Variants in EPB41L3 observed in about 807,000 individuals in gnomAD.
EPB41L3 encodes band 4.1-like protein 3.
A neutral mutation model predicts 127.1 loss-of-function variants in EPB41L3; 57 were observed. The ratio of observed to expected loss-of-function variants is 0.45; its 90% CI spans 0.36 to 0.56. The LOEUF (loss-of-function observed/expected upper bound fraction) is 0.56. EPB41L3 is among the 20% of genes least tolerant of loss of function. The pLI is 0.00. For missense variants in EPB41L3, 1,273 were observed against 1,372.2 expected (o/e 0.93, Z 1.14); for synonymous variants, 572 against 549.5 (o/e 1.04, Z -0.57).
chr18:5,495,839 T>C (rs546001661), intron 1 of EPB41L3, among the ~76,000 whole-genome samples: 21 of 152,330 alleles, frequency 1.4e-4, no homozygotes, highest in Admixed American at 7.2e-4. Flanking sequence ...AATTCTAGGA[T>C]TCCTGAGAAC....
intron 3 of EPB41L3, among the ~76,000 whole-genome samples, chr18:5,459,395 C>CT (rs11459858): frequency 0.44 from 64,760 of 147,674 alleles, 14,425 homozygotes; most frequent in East Asian, 0.71. Context: ...CCATTGGTCT[C>CT]TTTTTTTTTT....
chr18:5,433,649 G>A lies in EPB41L3; in HGVS notation c.825-93C>T, dbSNP rs1296885806. 4 of 1,128,786 alleles carry A rather than the reference G, an allele frequency of 3.5e-6. No individual in the cohort carries two copies. The Admixed American group carries it at 6.7e-5, about 19-fold the overall frequency. 69.9% of individuals were successfully genotyped at this position (1,128,786 alleles called of 1,614,324 possible). ...TTAGTTCCATGCTATCTCATAAGAA[G>A]TCCTATGGAGGCACCAGCAGATACA... On this transcript the variant is annotated intron_variant, in intron 7 of 22. Coordinates refer to ENST00000341928, the MANE Select transcript of EPB41L3 (RefSeq NM_012307.5).
At chr18:5,394,629 G>A (rs2073025363) in intron 22 of EPB41L3, 48 bp downstream of exon 22, 2 of 1,434,164 alleles carry the variant, frequency 1.4e-6, no homozygotes, top group African/African-American at 2.8e-5. Context: ...AGTGCCCCAT[G>A]CCTCATGCCA....
intron 1 of EPB41L3, 125 bp from the exon 2 acceptor site, chr18:5,489,319 A>C: frequency 1.8e-6 from 2 of 1,103,784 alleles, no homozygotes; most frequent in Non-Finnish European, 2.5e-6. Context: ...ACCAAACCCC[A>C]TCCTATTCCA....
At chr18:5,454,410 G>T (rs1386468092) in intron 3 of EPB41L3, among the ~76,000 whole-genome samples, 1 of 151,948 alleles carries the variant, frequency 6.6e-6, no homozygotes, top group African/African-American at 2.4e-5. Flanking sequence ...GCTGTCTCAA[G>T]TGTACATGCA....
chr18:5,427,967 G>C (rs778877064), intron 9 of EPB41L3, among the ~76,000 whole-genome samples: 2 of 152,140 alleles, frequency 1.3e-5, no homozygotes, highest in East Asian at 1.9e-4. Flanking sequence ...GGATGGTCTC[G>C]ATCTCCTGAC....
intron 11 of EPB41L3, among the ~76,000 whole-genome samples, chr18:5,422,976 A>G (rs1386387230): frequency 1.3e-5 from 2 of 152,212 alleles, no homozygotes; most frequent in African/African-American, 4.8e-5. Flanking sequence ...TTAGAAACAG[A>G]AATAAATTTA....
At chr18:5,555,879 C>T (rs2094027702) in intron 3 of EPB41L3, among the ~76,000 whole-genome samples, 1 of 152,218 alleles carries the variant, frequency 6.6e-6, no homozygotes, top group Admixed American at 6.5e-5. Flanking sequence ...CCCGTCGGCC[C>T]AGCCATCTTT....
rs760954527 is a variant in EPB41L3, at chr18:5,397,026, TA to T, written c.2841+31del. On this transcript the variant is annotated intron_variant, in intron 18 of 22. Coordinates refer to ENST00000341928, the MANE Select transcript of EPB41L3 (RefSeq NM_012307.5). This position sits in a 1 kb window ranked among gnomAD's most constrained non-coding sequence, Gnocchi z 4.1. ...CAGGCATCCTATATCAGTTTTATTT[TA>T]GTGATAAAAGTAACATTTACTACTA... is the stretch of plus-strand genomic sequence containing the variant. 6.5e-7 allele frequency: 1 copy of T among 1,541,474 alleles called. No homozygotes were observed. The highest frequency in any genetic ancestry group is 1.4e-5 in the African/African-American group (1 of 71,580).
At chr18:5,405,549 G>A (rs2075236319) in intron 16 of EPB41L3, among the ~76,000 whole-genome samples, 1 of 151,238 alleles carries the variant, frequency 6.6e-6, no homozygotes, top group Non-Finnish European at 1.5e-5. Flanking sequence ...GAGCTTCCTT[G>A]GGAGGCTGAG....
At chr18:5,567,410 G>C (rs1283967781) in intron 3 of EPB41L3, 2 of 152,136 alleles carry the variant, frequency 1.3e-5, no homozygotes, top group African/African-American at 4.8e-5. Context: ...TACATTTTAA[G>C]TTTCTCCTTT....
At chr18:5,447,093 G>A (rs2081578498) in intron 3 of EPB41L3, among the ~76,000 whole-genome samples, 1 of 152,176 alleles carries the variant, frequency 6.6e-6, no homozygotes, top group Admixed American at 6.6e-5. Context: ...GACCTGGGAA[G>A]TAGCTTTAGA....
intron 1 of EPB41L3, among the ~76,000 whole-genome samples, chr18:5,492,406 C>A (rs1275904908): frequency 7.3e-6 from 1 of 137,192 alleles, no homozygotes; most frequent in Middle Eastern, 3.3e-3. Context: ...ACTCTTAAAC[C>A]CAAATGCCAA....
chr18:5,540,695 C>T (rs1184784221), intron 1 of EPB41L3: 4 of 350,276 alleles, frequency 1.1e-5, no homozygotes, highest in Admixed American at 6.4e-5. Context: ...AAATTTGATT[C>T]ATAGGTTTCA....
intron 14 of EPB41L3, among the ~76,000 whole-genome samples, chr18:5,410,037 G>A (rs941046476): frequency 1.7e-4 from 26 of 152,098 alleles, no homozygotes; most frequent in South Asian, 1.0e-3. Context: ...ATGAGTGACC[G>A]AGGCTACAGT....
At chr18:5,409,839 T>A (rs950043375) in intron 14 of EPB41L3, among the ~76,000 whole-genome samples, 2 of 152,096 alleles carry the variant, frequency 1.3e-5, no homozygotes, top group Non-Finnish European at 2.9e-5. Context: ...ATATTATTTT[T>A]AAAGATATTT....
At chr18:5,394,524 C>T in intron 22 of EPB41L3, 153 bp downstream of exon 22, 1 of 606,940 alleles carries the variant, frequency 1.6e-6, no homozygotes, top group Non-Finnish European at 2.9e-6. Context: ...GTGAGACAAA[C>T]CCATAAACCA....
At chr18:5,466,830 C>T (rs2085081825) in intron 3 of EPB41L3, among the ~76,000 whole-genome samples, 1 of 152,318 alleles carries the variant, frequency 6.6e-6, no homozygotes, top group East Asian at 1.9e-4. Context: ...AATCTTGTGG[C>T]TGATGACAGC....
At chr18:5,586,171 G>C (rs545862162) in intron 3 of EPB41L3, among the ~76,000 whole-genome samples, 2 of 152,228 alleles carry the variant, frequency 1.3e-5, no homozygotes, top group African/African-American at 4.8e-5. Context: ...GATACATCCA[G>C]AAATTAAGCC....
Sources: allele counts gnomAD v4.1 joint callset (sites outside exome capture counted in the v4.1 genomes callset), GRCh38; gene constraint gnomAD v4.1.1; non-coding constraint Gnocchi (gnomAD v3.1); transcripts MANE v1.5; gene names NCBI Gene and HGNC (gene_info 2026-07-23, HGNC 2026-07-21).